BLOC1S3: variants seen among roughly 807,000 people sequenced by gnomAD.
BLOC1S3 encodes the protein biogenesis of lysosomal organelles complex 1 subunit 3.
In BLOC1S3, 7 loss-of-function variants were observed where a neutral mutation model predicts 9.1. That is an observed-to-expected ratio of 0.77 (90% CI 0.44 to 1.45). The LOEUF (loss-of-function observed/expected upper bound fraction) is 1.45. Among genes scored for constraint, BLOC1S3 ranks in the 40% most tolerant of loss-of-function variants. The probability of loss-of-function intolerance (pLI) is 0.01; values close to 1 mark genes in which losing one functional copy is unlikely to be tolerated. For missense variants in BLOC1S3, 307 were observed against 315.2 expected (o/e 0.97, Z 0.20); for synonymous variants, 145 against 158.4 (o/e 0.92, Z 0.64).
At chr19:45,191,930 A>G (rs1229262724) in intron 2 of BLOC1S3, among the ~76,000 whole-genome samples, 1 of 152,174 alleles carries the variant, frequency 6.6e-6, no homozygotes, top group African/African-American at 2.4e-5. Context: ...CTGCCTGGGT[A>G]CCACCTATGT....
chr19:45,198,126 G>T (rs1969662784), intron 2 of BLOC1S3, among the ~76,000 whole-genome samples: 1 of 152,158 alleles, frequency 6.6e-6, no homozygotes, highest in Non-Finnish European at 1.5e-5. Flanking sequence ...CAGAGCGAGA[G>T]CAAATGGGAA....
At chr19:45,183,621 T>C (rs576554451), downstream of BLOC1S3, among the ~76,000 whole-genome samples, 1 of 140,342 alleles carries the variant, frequency 7.1e-6, no homozygotes, top group South Asian at 2.3e-4. Context: ...TTCTTTTCTT[T>C]TCTTTTTTTT....
intron 2 of BLOC1S3, chr19:45,187,866 TTTTTTTAA>T (rs1324795196): frequency 1.3e-5 from 2 of 151,956 alleles, no homozygotes; most frequent in Non-Finnish European, 2.9e-5. Flanking sequence ...GCACTTTATT[TTTTTTTAA>T]TTTTTTAATT....
chr19:45,203,050 G>A (rs1405439849), intron 3 of BLOC1S3, among the ~76,000 whole-genome samples: 3 of 151,474 alleles, frequency 2.0e-5, no homozygotes, highest in East Asian at 2.0e-4. Flanking sequence ...TTGACTTTTC[G>A]TCTCCTCTTC....
chr19:45,207,273 C>T (rs1379957885), intron 3 of BLOC1S3, among the ~76,000 whole-genome samples: 5 of 151,506 alleles, frequency 3.3e-5, no homozygotes, highest in African/African-American at 1.2e-4. Flanking sequence ...GCTGGGACTA[C>T]AGGTGCCCGA....
intron 3 of BLOC1S3, chr19:45,215,976 C>T: frequency 1.3e-6 from 2 of 1,529,464 alleles, no homozygotes. Context: ...TCACCGGCTC[C>T]CTCCCTCAGG....
intron 2 of BLOC1S3, among the ~76,000 whole-genome samples, chr19:45,189,576 G>A (rs1969590212): frequency 6.7e-6 from 1 of 149,764 alleles, no homozygotes; most frequent in African/African-American, 2.5e-5. Context: ...GAGATTATAG[G>A]CATGTGCCAC....
intron 3 of BLOC1S3, among the ~76,000 whole-genome samples, chr19:45,206,661 T>G (rs1969730147): frequency 6.7e-6 from 1 of 150,242 alleles, no homozygotes; most frequent in Non-Finnish European, 1.5e-5. Flanking sequence ...GTGTCTCATG[T>G]GCTGCCCAGG....
rs1423966320 is a variant in BLOC1S3 at position 45,181,289 on chromosome 19, C to T, written c.*1384C>T. ...TTCTGCAGGCCCAAAATGATGGCCC[C>T]TCTTAACCCAAGGCAGGGGATCTTC... On this transcript the variant is annotated 3_prime_UTR_variant, in exon 2 of 2. Transcript: ENST00000433642. 1 of 167,236 alleles carries T rather than the reference C, an allele frequency of 6.0e-6. No homozygotes were observed. The highest frequency in any genetic ancestry group is 1.5e-5 in the Non-Finnish European group (1 of 68,254). 10.4% of individuals were successfully genotyped at this position (167,236 alleles called of 1,614,324 possible).
chr19:45,211,808 A>C (rs1969773920), intron 3 of BLOC1S3, among the ~76,000 whole-genome samples: 1 of 151,898 alleles, frequency 6.6e-6, no homozygotes, highest in East Asian at 1.9e-4. Context: ...GGGAAAAAAA[A>C]AAAAACCACA....
At chr19:45,197,485 TCAA>T (rs1969657255) in intron 2 of BLOC1S3, among the ~76,000 whole-genome samples, 1 of 142,618 alleles carries the variant, frequency 7.0e-6, no homozygotes, top group South Asian at 2.2e-4. Flanking sequence ...AGACTCTGTC[TCAA>T]CAACAACCAC....
rs542029340 is a variant in BLOC1S3 at position 45,211,775 on chromosome 19, T to C, written n.283-4901T>C. 6.0e-5 allele frequency among the ~76,000 whole-genome samples: 9 copies of C among 150,042 alleles called. No individual in the cohort carries two copies. The South Asian group carries it at 1.9e-3, about 32-fold the overall frequency. ...CCCAGCCCCAGTGCTAACCCCTGGC[T>C]GCCTCCTCTTTCTGACTTCTCAGGG... is the stretch of plus-strand genomic sequence containing the variant. On this transcript the variant is annotated intron_variant and non_coding_transcript_variant, in intron 3 of 3. Coordinates refer to the BLOC1S3 transcript ENST00000591569.
At chr19:45,210,556 C>T (rs1337502332) in intron 3 of BLOC1S3, among the ~76,000 whole-genome samples, 3 of 151,616 alleles carry the variant, frequency 2.0e-5, no homozygotes, top group Non-Finnish European at 4.4e-5. Flanking sequence ...ACCTCGGCCT[C>T]CCAAAGCGCT....
intron 3 of BLOC1S3, chr19:45,212,970 G>A: frequency 3.1e-6 from 4 of 1,293,404 alleles, no homozygotes; most frequent in Non-Finnish European, 4.1e-6. Context: ...TATCCCAGGG[G>A]TGTGTGGTCC....
In BLOC1S3 at chr19:45,179,115, C is replaced by A; in HGVS notation, c.-9-173C>A. The A allele has an allele frequency of 1.6e-6, 1 of 634,788 alleles. No homozygotes were observed. Among genetic ancestry groups the A allele is most frequent in the Non-Finnish European group, 2.4e-6 (1 of 410,198 alleles). The allele number at this position is 634,788 out of a possible 1,614,324, so 39.3% of individuals were successfully genotyped here. A position where few individuals can be genotyped will look rare whatever the true frequency, so the allele number is the denominator to read the frequency against. Reference sequence around the variant, plus strand: ...TCTGTACGCTGAAGAGCCTGGGGTCCAGTAACCCCCATCATCACCCAGTTT... The same window carrying A: ...TCTGTACGCTGAAGAGCCTGGGGTCAAGTAACCCCCATCATCACCCAGTTT... On this transcript the variant is annotated intron_variant, in intron 1 of 1. Transcript: ENST00000433642. The surrounding 1 kb of genome is among the most constrained non-coding windows in gnomAD (Gnocchi z 4.6).
intron 3 of BLOC1S3, chr19:45,216,250 C>T: frequency 6.3e-7 from 1 of 1,591,708 alleles, no homozygotes; most frequent in Non-Finnish European, 8.5e-7. Context: ...CCTGCCAATT[C>T]CTGCCCCTCC....
intron 3 of BLOC1S3, chr19:45,213,101 G>T (rs547474737): frequency 6.5e-7 from 1 of 1,529,992 alleles, no homozygotes; most frequent in South Asian, 1.3e-5. Context: ...GCTAGAGACG[G>T]AGGCCGGGGC....
chr19:45,216,222 C>T, intron 3 of BLOC1S3: 3 of 1,611,232 alleles, frequency 1.9e-6, no homozygotes, highest in South Asian at 1.1e-5. Flanking sequence ...TGCGGGGTCA[C>T]ACCCTCCCAA....
rs1568470247 is a variant in BLOC1S3, at chr19:45,180,131, C to G, written c.*226C>G. Reference sequence around the variant, plus strand: ...CTATCCTTAGATCTGGTTCCTCTCCCGATCCTGACCCTGCCGCCTGGTTCT... The same window carrying G: ...CTATCCTTAGATCTGGTTCCTCTCCGGATCCTGACCCTGCCGCCTGGTTCT... On this transcript the variant is annotated 3_prime_UTR_variant, in exon 2 of 2. Coordinates refer to ENST00000433642, the MANE Select transcript of BLOC1S3 (RefSeq NM_212550.5). The G allele has an allele frequency of 2.1e-6, 1 of 476,110 alleles. No homozygotes were observed. The highest frequency in any genetic ancestry group is 3.7e-6 in the Non-Finnish European group (1 of 267,666). The allele number at this position is 476,110 out of a possible 1,614,324, so 29.5% of individuals were successfully genotyped here.
Sources: gnomAD v4.1 joint callset for allele counts (sites outside exome capture counted in the v4.1 genomes callset) on GRCh38, gnomAD v4.1.1 for gene constraint, Gnocchi (gnomAD v3.1) non-coding constraint, MANE v1.5 for transcripts, NCBI Gene and HGNC (gene_info 2026-07-23, HGNC 2026-07-21) for gene names.